BMPR1B: variants seen among roughly 807,000 people sequenced by gnomAD.
BMPR1B encodes the protein bone morphogenetic protein receptor type-1B.
In BMPR1B, 12 loss-of-function variants were observed where a neutral mutation model predicts 59.1. The ratio of observed to expected loss-of-function variants is 0.20; its 90% confidence interval spans 0.13 to 0.33. The LOEUF is 0.33. Among genes scored for constraint, BMPR1B ranks in the 10% least tolerant of loss-of-function variants. BMPR1B has a pLI of 1.00. For missense variants in BMPR1B, 550 were observed against 610.9 expected (o/e 0.90, Z 1.05); for synonymous variants, 237 against 207.3 (o/e 1.14, Z -1.23).
intron 2 of BMPR1B, among the ~76,000 whole-genome samples, chr4:94,885,349 A>G (rs1727133133): frequency 6.6e-6 from 1 of 152,236 alleles, no homozygotes; most frequent in African/African-American, 2.4e-5. Flanking sequence ...TTGCTTCTTT[A>G]TTTAGCACAT....
intron 3 of BMPR1B, among the ~76,000 whole-genome samples, chr4:95,075,646 A>G (rs991480773): frequency 1.4e-4 from 21 of 152,300 alleles, no homozygotes; most frequent in African/African-American, 4.8e-4. Flanking sequence ...ACTCAGATAC[A>G]GTGGTACTAG....
At chr4:95,113,450 C>CTA (rs1300941271) in intron 4 of BMPR1B, among the ~76,000 whole-genome samples, 1 of 152,182 alleles carries the variant, frequency 6.6e-6, no homozygotes, top group African/African-American at 2.4e-5. Flanking sequence ...CAGCATGCTG[C>CTA]TACCACTAAG....
In BMPR1B at chr4:95,148,820, G is replaced by A. The variant is rs1456336025; in HGVS notation, c.1149G>A (p.Leu383=). ...GTKRYMPPEV[L]DESLNRNHFQ... is the part of the protein sequence containing the mutation. Reference sequence around the variant, plus strand: ...AACGCTATATGCCTCCAGAAGTGTTGGACGAGAGCTTGAACAGAAATCACT... The same window carrying A: ...AACGCTATATGCCTCCAGAAGTGTTAGACGAGAGCTTGAACAGAAATCACT... Residue 383 remains leucine (L), a synonymous_variant, in exon 11 of 13, where the codon TTG becomes TTA. Coordinates refer to ENST00000515059, the MANE Select transcript of BMPR1B (RefSeq NM_001203.3). 4 of 1,613,848 alleles carry A rather than the reference G, an allele frequency of 2.5e-6. No individual in the cohort carries two copies. Among genetic ancestry groups the A allele is most frequent in the East Asian group, 2.2e-5 (1 of 44,876 alleles).
At chr4:95,014,620 G>GTATTT (rs1723455464) in intron 3 of BMPR1B, among the ~76,000 whole-genome samples, 1 of 152,178 alleles carries the variant, frequency 6.6e-6, no homozygotes, top group Non-Finnish European at 1.5e-5. Context: ...AGGGTAAGAT[G>GTATTT]ATGCAGAGAC....
intron 2 of BMPR1B, among the ~76,000 whole-genome samples, chr4:94,921,647 C>T (rs143148319): frequency 6.6e-6 from 1 of 152,082 alleles, no homozygotes. Flanking sequence ...TCAAGAGAAA[C>T]CTGCCCCCTT....
At chr4:94,847,490 G>T (rs1447462632) in intron 1 of BMPR1B, among the ~76,000 whole-genome samples, 2 of 152,122 alleles carry the variant, frequency 1.3e-5, no homozygotes, top group Non-Finnish European at 2.9e-5. Flanking sequence ...GCACTCCCAT[G>T]TTTATTGCAG....
chr4:95,157,845 A>AT lies in BMPR1B; in HGVS notation c.*3174dup, dbSNP rs1358798682. 6.6e-6 allele frequency: 1 copy of AT among 152,188 alleles called. No individual in the cohort carries two copies. The highest frequency in any genetic ancestry group is 1.5e-5 in the Non-Finnish European group (1 of 68,014). The allele number at this position is 152,188 out of a possible 1,614,324, so 9.4% of individuals were successfully genotyped here. Reference sequence around the variant, plus strand: ...TCCTGGAAAGCACTGCTCAAAAGTCATTAGTGCCCATTTTTGAATTCCCCA... The same window carrying AT: ...TCCTGGAAAGCACTGCTCAAAAGTCATTTAGTGCCCATTTTTGAATTCCCCA... On this transcript the variant is annotated 3_prime_UTR_variant, in exon 13 of 13. Coordinates refer to ENST00000515059, the MANE Select transcript of BMPR1B (RefSeq NM_001203.3).
chr4:95,031,989 G>C (rs930671836), intron 3 of BMPR1B, among the ~76,000 whole-genome samples: 5 of 152,088 alleles, frequency 3.3e-5, no homozygotes, highest in African/African-American at 1.2e-4. Flanking sequence ...TGTTACAGTA[G>C]TATTCAGTAT....
intron 2 of BMPR1B, among the ~76,000 whole-genome samples, chr4:94,918,321 G>C (rs1728564472): frequency 6.6e-6 from 1 of 151,978 alleles, no homozygotes; most frequent in Admixed American, 6.6e-5. Flanking sequence ...TTATTCTCAT[G>C]TGTATCCTCA....
At chr4:95,012,056 G>T (rs577501353) in intron 3 of BMPR1B, among the ~76,000 whole-genome samples, 3 of 151,440 alleles carry the variant, frequency 2.0e-5, no homozygotes, top group African/African-American at 4.8e-5. Flanking sequence ...AAAAAAGAAA[G>T]AAAAAGAAAA....
rs1731059004 is a variant in BMPR1B at position 95,104,479 on chromosome 4, G to A, written c.55G>A (p.Glu19Lys). The change falls in exon 4 of 13, where the codon GAG becomes AAG. Residue 19 changes from glutamate (E) to lysine (K), a missense_variant. Physicochemically the swap from Glu to Lys is moderately conservative, Grantham distance 56. Around this residue, in one of 6 missense-constraint regions of BMPR1B, gnomAD observed 43 missense variants for 35.4 expected, o/e 1.22. Coordinates refer to ENST00000515059, the MANE Select transcript of BMPR1B (RefSeq NM_001203.3). ...TGTGGGCACCAAGAAAGAGGATGGT[G>A]AGAGTACAGCCCCCACCCCCCGTCC... Reference protein sequence around the residue: ...LNVGTKKEDGESTAPTPRPKV... With the variant: ...LNVGTKKEDGKSTAPTPRPKV... 1 of 1,613,364 alleles carries A rather than the reference G, an allele frequency of 6.2e-7. No individual in the cohort carries two copies. The highest frequency in any genetic ancestry group is 1.1e-5 in the South Asian group (1 of 91,076).
intron 2 of BMPR1B, among the ~76,000 whole-genome samples, chr4:94,926,181 C>T (rs933490218): frequency 9.3e-5 from 14 of 151,158 alleles, no homozygotes; most frequent in Admixed American, 6.6e-4. Flanking sequence ...ATGTGTGACT[C>T]AGTGATGAAT....
chr4:94,898,357 C>T (rs72669101), intron 2 of BMPR1B, among the ~76,000 whole-genome samples: 9,461 of 152,104 alleles, frequency 0.062, 312 homozygotes, highest in African/African-American at 0.082. Flanking sequence ...GGCTTGCCCC[C>T]ATCCAAATCT....
intron 2 of BMPR1B, among the ~76,000 whole-genome samples, chr4:94,962,483 C>T (rs921743718): frequency 2.6e-5 from 4 of 151,976 alleles, no homozygotes; most frequent in East Asian, 1.9e-4. Context: ...TTTTTCTCTC[C>T]GCTACCCTTG....
chr4:95,117,780 T>G (rs1732180725), intron 6 of BMPR1B, among the ~76,000 whole-genome samples: 1 of 152,112 alleles, frequency 6.6e-6, no homozygotes, highest in South Asian at 2.1e-4. Context: ...AATGAGACAC[T>G]CTTTCTAAAA....
chr4:95,081,080 T>C (rs1729101715), intron 3 of BMPR1B, among the ~76,000 whole-genome samples: 1 of 152,150 alleles, frequency 6.6e-6, no homozygotes, highest in Admixed American at 6.5e-5. Flanking sequence ...TAGTGAGTTC[T>C]CATGAGATCT....
At chr4:94,957,022 AC>A (rs1730166138) in intron 2 of BMPR1B, among the ~76,000 whole-genome samples, 1 of 152,242 alleles carries the variant, frequency 6.6e-6, no homozygotes, top group African/African-American at 2.4e-5. Context: ...ATGTTGATAC[AC>A]ACAGCATTCA....
chr4:94,828,391 T>G (rs1724457551), intron 1 of BMPR1B, among the ~76,000 whole-genome samples: 1 of 152,230 alleles, frequency 6.6e-6, no homozygotes, highest in African/African-American at 2.4e-5. Flanking sequence ...TGCTGAAATA[T>G]ATTTTAAAGA....
chr4:94,966,640 GA>G (rs1730566284), intron 2 of BMPR1B, among the ~76,000 whole-genome samples: 1 of 152,152 alleles, frequency 6.6e-6, no homozygotes, highest in Non-Finnish European at 1.5e-5. Context: ...CAACTCTGTG[GA>G]AAATCTTCCA....
Sources: gnomAD v4.1 joint callset for allele counts (sites outside exome capture counted in the v4.1 genomes callset) on GRCh38, gnomAD v4.1.1 for gene constraint, gnomAD v4.1.1 regional missense constraint, MANE v1.5 for transcripts, NCBI Gene and HGNC (gene_info 2026-07-23, HGNC 2026-07-21) for gene names.